The following CACNA1H variants were observed in gnomAD, a reference collection of about 807,000 sequenced individuals.
The protein encoded by CACNA1H is calcium voltage-gated channel subunit alpha1 H.
CACNA1H carries 149 observed loss-of-function variants against 192.5 expected under a neutral mutation model. The observed-to-expected ratio is 0.77, with a 90% CI of 0.68 to 0.89. The LOEUF (loss-of-function observed/expected upper bound fraction) is 0.89, where lower values mean the gene tolerates loss of function less well. CACNA1H is among the 40% of genes least tolerant of loss of function. The pLI is 0.00. For synonymous variants in CACNA1H, 2,202 were observed against 1,475.2 expected (o/e 1.49, Z -11.29); for missense variants, 4,257 against 3,423.5 (o/e 1.24, Z -6.08).
rs183109345 is a variant in CACNA1H, at chr16:1,190,476, G to T, written c.300-4496G>T. On this transcript the variant is annotated intron_variant, in intron 2 of 34. Transcript: ENST00000348261. ...CCCTGCTGGCCTGTGCGGGATGTGG[G>T]ACCTCGGCTGACTGCTCCCCTCTCT... 1.1e-3 allele frequency among the ~76,000 whole-genome samples: 170 copies of T among 152,288 alleles called. 1 individual carries two copies. The highest frequency in any genetic ancestry group is 3.6e-3 in the African/African-American group (151 of 41,562).
In CACNA1H at chr16:1,220,582, G is replaced by A; in HGVS notation, c.6650G>A (p.Arg2217Lys). 1 of 1,541,754 alleles carries A rather than the reference G, an allele frequency of 6.5e-7. No individual in the cohort carries two copies. Among genetic ancestry groups the A allele is most frequent in the Non-Finnish European group, 8.7e-7 (1 of 1,150,964 alleles). Residue 2217 changes from arginine to lysine, a missense_variant, in exon 35 of 35, where the codon AGG becomes AAG. Arg to Lys is a conservative substitution (Grantham distance 26). Transcript: ENST00000348261. Reference sequence around the variant, plus strand: ...GCAGAGGGCGGCAGCACCACACTGAGGCGCAGGACCCCGTCCTGTGAGGCC... The same window carrying A: ...GCAGAGGGCGGCAGCACCACACTGAAGCGCAGGACCCCGTCCTGTGAGGCC... ...SAAEGGSTTL[R>K]RRTPSCEATP... is the part of the protein sequence containing the mutation.
chr16:1,189,323 G>A (rs563594272), intron 2 of CACNA1H, among the ~76,000 whole-genome samples: 1 of 149,902 alleles, frequency 6.7e-6, no homozygotes, highest in South Asian at 2.1e-4. Flanking sequence ...CCTCAGAAGT[G>A]CACAGGCTTG....
rs376782048 is a variant in CACNA1H, at chr16:1,195,954, A to T, written c.574A>T (p.Asn192Tyr). 1 of 1,612,916 alleles carries T rather than the reference A, an allele frequency of 6.2e-7. No homozygotes were observed. The highest frequency in any genetic ancestry group is 8.5e-7 in the Non-Finnish European group (1 of 1,179,806). Residue 192 changes from asparagine to tyrosine, a missense_variant, in exon 5 of 35, where the codon AAC becomes TAC. Transcript: ENST00000348261. ...GATGGAGTACTCGTTGGACGGACAC[A>T]ACGTGAGCCTCTCGGCTATCAGGAC... ...GMMEYSLDGHNVSLSAIRTVR... is the reference protein window; with the variant it reads ...GMMEYSLDGHYVSLSAIRTVR...
At chr16:1,162,270 C>T (rs141047948) in intron 2 of CACNA1H, among the ~76,000 whole-genome samples, 2 of 152,254 alleles carry the variant, frequency 1.3e-5, no homozygotes, top group Non-Finnish European at 2.9e-5. Flanking sequence ...ACAGCTGCCT[C>T]CTGCCAGGGT....
At chr16:1,170,809 T>A (rs2151704899) in intron 2 of CACNA1H, among the ~76,000 whole-genome samples, 1 of 152,258 alleles carries the variant, frequency 6.6e-6, no homozygotes, top group Middle Eastern at 3.4e-3. Context: ...CACCCCTTCT[T>A]TCCTGTGGGC....
chr16:1,187,781 C>T (rs542867979), intron 2 of CACNA1H, among the ~76,000 whole-genome samples: 5 of 152,352 alleles, frequency 3.3e-5, no homozygotes, highest in African/African-American at 9.6e-5. Flanking sequence ...CTGCTACAGT[C>T]CCCTCCCTGG....
rs372472186 is a variant in CACNA1H at position 1,209,272 on chromosome 16, C to G, written c.3604C>G (p.Arg1202Gly). 3 of 1,552,712 alleles carry G rather than the reference C, an allele frequency of 1.9e-6. No individual in the cohort carries two copies. The highest frequency in any genetic ancestry group is 1.2e-5 in the South Asian group (1 of 85,556). Reference sequence around the variant, plus strand: ...GCGGCGGGCCGAGTCCCTGGACCCACGGCCCCTGCGGCCGGCCGCCCTCCC... The same window carrying G: ...GCGGCGGGCCGAGTCCCTGGACCCAGGGCCCCTGCGGCCGGCCGCCCTCCC... ...PLRRAESLDP[R>G]PLRPAALPPT... The change falls in exon 17 of 35, where the codon CGG (arginine) becomes GGG (glycine). Residue 1202 changes from arginine (R) to glycine (G), a missense_variant. Transcript: ENST00000348261.
chr16:1,200,889 T>C (rs1052525905), intron 8 of CACNA1H, 81 bp downstream of exon 8: 10 of 1,040,016 alleles, frequency 9.6e-6, no homozygotes, highest in Middle Eastern at 2.1e-4. Context: ...TGGGTGGTCA[T>C]AGGGGCTCCT....
chr16:1,186,571 C>T (rs1010897346), intron 2 of CACNA1H, among the ~76,000 whole-genome samples: 22 of 152,094 alleles, frequency 1.4e-4, no homozygotes, highest in East Asian at 1.9e-4. Context: ...CCTCTGCACA[C>T]GTGCCCACAC....
At chr16:1,197,149 C>T (rs1362604628) in intron 5 of CACNA1H, among the ~76,000 whole-genome samples, 1 of 152,224 alleles carries the variant, frequency 6.6e-6, no homozygotes, top group Non-Finnish European at 1.5e-5. Flanking sequence ...ACCTGCCTGC[C>T]TTGGCTCTAC....
rs777388738 is a variant in CACNA1H at position 1,183,184 on chromosome 16, G to A, written c.300-11788G>A. 9.9e-5 allele frequency among the ~76,000 whole-genome samples: 15 copies of A among 152,230 alleles called. No individual in the cohort carries two copies. In the East Asian group the frequency reaches 1.5e-3, roughly 16 times the overall value. On this transcript the variant is annotated intron_variant, in intron 2 of 34. Transcript: ENST00000348261. ...CTGGAACCCGGTACCCTCCACCCCC[G>A]TGCGGCTGTGGGAATCCTGGGGCTG... is the stretch of plus-strand genomic sequence containing the variant.
chr16:1,178,421 C>A (rs879856610), intron 2 of CACNA1H, among the ~76,000 whole-genome samples: 11 of 151,678 alleles, frequency 7.3e-5, no homozygotes, highest in Non-Finnish European at 1.6e-4. Flanking sequence ...AACCCACCCC[C>A]CCAAGTGCCT....
chr16:1,196,077 G>A, intron 5 of CACNA1H, 54 bp downstream of exon 5: 1 of 1,397,156 alleles, frequency 7.2e-7, no homozygotes. Context: ...GTGTCCGCCA[G>A]CCCTGCAGAG....
chr16:1,168,218 G>A (rs1324890106), intron 2 of CACNA1H, among the ~76,000 whole-genome samples: 1 of 151,670 alleles, frequency 6.6e-6, no homozygotes, highest in Non-Finnish European at 1.5e-5. Context: ...GACAGTTTCT[G>A]CCCAGCTCAC....
At chr16:1,216,867 C>T (rs913107557) in intron 30 of CACNA1H, 65 bp from the exon 31 acceptor site, 2 of 1,348,502 alleles carry the variant, frequency 1.5e-6, no homozygotes, top group Admixed American at 1.9e-5. Context: ...GCCGAGTGCC[C>T]TGCAGGGTGG....
intron 2 of CACNA1H, among the ~76,000 whole-genome samples, chr16:1,158,428 A>G (rs1021695255): frequency 1.3e-5 from 2 of 151,974 alleles, no homozygotes; most frequent in Admixed American, 1.3e-4. Context: ...GGTGATGGGA[A>G]GAGAGGCCCC....
At chr16:1,174,724 T>G (rs760092755) in intron 2 of CACNA1H, among the ~76,000 whole-genome samples, 3 of 152,188 alleles carry the variant, frequency 2.0e-5, no homozygotes, top group Non-Finnish European at 4.4e-5. Context: ...CACAGAGCCT[T>G]CCTTTTCCTG....
At chr16:1,195,844 G>A (rs1966900303) in intron 4 of CACNA1H, 82 bp from the exon 5 acceptor site, 3 of 1,128,342 alleles carry the variant, frequency 2.7e-6, no homozygotes, top group East Asian at 2.3e-5. Flanking sequence ...TTCTATGCCT[G>A]CCCACCCTAC....
chr16:1,200,877 C>T, intron 8 of CACNA1H, 69 bp downstream of exon 8: 2 of 1,251,294 alleles, frequency 1.6e-6, no homozygotes, highest in Non-Finnish European at 2.3e-6. Context: ...GGGTGGGGTA[C>T]CTGGGTGGTC....
Sources: gnomAD v4.1 joint callset for allele counts (sites outside exome capture counted in the v4.1 genomes callset) on GRCh38, gnomAD v4.1.1 for gene constraint, MANE v1.5 for transcripts, NCBI Gene and HGNC (gene_info 2026-07-23, HGNC 2026-07-21) for gene names.